The following PTTG1IP variants were observed in gnomAD, a reference collection of about 807,000 sequenced individuals.
The protein encoded by PTTG1IP is PTTG1 interacting protein.
In PTTG1IP, 16 loss-of-function variants were observed where a neutral mutation model predicts 24.4. The observed-to-expected ratio is 0.66, with a 90% CI of 0.44 to 1.00. PTTG1IP has a LOEUF of 1.00. PTTG1IP is among the 50% of genes least tolerant of loss of function. PTTG1IP has a pLI of 0.00. For missense variants in PTTG1IP, 241 were observed against 245.8 expected (o/e 0.98, Z 0.13); for synonymous variants, 89 against 96.8 (o/e 0.92, Z 0.47).
chr21:44,870,243 A>G lies in PTTG1IP; in HGVS notation c.115+3259T>C, dbSNP rs377281118. On this transcript the variant is annotated intron_variant, in intron 1 of 5. Coordinates refer to ENST00000330938, the MANE Select transcript of PTTG1IP (RefSeq NM_004339.4). ...ATCCTTTGAAAACATATCATCTTGC[A>G]TAGTAAGAAAAGAAAGGCCGGGTGC... is the stretch of plus-strand genomic sequence containing the variant. 1.8e-4 allele frequency among the ~76,000 whole-genome samples: 28 copies of G among 152,352 alleles called. 1 individual carries two copies. In the South Asian group the frequency reaches 3.5e-3, roughly 19 times the overall value.
rs60770250 is a variant in PTTG1IP, at chr21:44,851,449, G to A, written c.*132C>T. ...GTCCTTCAGGGGCAGCTCTCCGGCC[G>A]CCTGTCCTGGAAGGCTGGCAGGTTC... On this transcript the variant is annotated 3_prime_UTR_variant, in exon 6 of 6. Coordinates refer to ENST00000330938, the MANE Select transcript of PTTG1IP (RefSeq NM_004339.4). The A allele has an allele frequency of 5.5e-4, 882 of 1,607,446 alleles. 6 individuals carry two copies. In the African/African-American group the frequency reaches 9.7e-3, roughly 18 times the overall value.
At chr21:44,862,598 G>A (rs140790479) in intron 2 of PTTG1IP, among the ~76,000 whole-genome samples, 3 of 152,196 alleles carry the variant, frequency 2.0e-5, no homozygotes, top group Admixed American at 6.5e-5. Context: ...CAGACTGCCT[G>A]TTACTCCCAA....
At chr21:44,861,128 G>C in intron 3 of PTTG1IP, 35 bp downstream of exon 3, 1 of 1,568,006 alleles carries the variant, frequency 6.4e-7, no homozygotes, top group Non-Finnish European at 8.8e-7. Context: ...AAGAAGCATC[G>C]ATTTTGCAAG....
intron 1 of PTTG1IP, among the ~76,000 whole-genome samples, chr21:44,872,699 C>T (rs1195040652): frequency 6.6e-6 from 1 of 152,258 alleles, no homozygotes; most frequent in East Asian, 1.9e-4. Flanking sequence ...AGTCTCCTGT[C>T]ATGCACTTTC....
intron 1 of PTTG1IP, among the ~76,000 whole-genome samples, chr21:44,869,140 G>C (rs566336367): frequency 6.6e-6 from 1 of 152,124 alleles, no homozygotes; most frequent in Non-Finnish European, 1.5e-5. Flanking sequence ...AGACAAAGAG[G>C]AACTATTCTA....
At chr21:44,859,300 G>A (rs187839045) in intron 3 of PTTG1IP, among the ~76,000 whole-genome samples, 17 of 152,342 alleles carry the variant, frequency 1.1e-4, no homozygotes, top group Admixed American at 2.6e-4. Flanking sequence ...CAGGAATTGG[G>A]CCTTCTGAAA....
chr21:44,865,287 A>C (rs558182580), intron 2 of PTTG1IP, 108 bp downstream of exon 2: 13 of 1,149,180 alleles, frequency 1.1e-5, no homozygotes, highest in Middle Eastern at 4.1e-4. Context: ...CAAATCCCAA[A>C]CAACAGAGCC....
At chr21:44,867,438 C>A (rs1220106551) in intron 1 of PTTG1IP, among the ~76,000 whole-genome samples, 3 of 149,248 alleles carry the variant, frequency 2.0e-5, no homozygotes, top group East Asian at 3.9e-4. Flanking sequence ...GACGGCCATG[C>A]GTGGGGGAGG....
At chr21:44,870,525 C>CAAAAAAAAAAAAAAAAAAAAA (rs60436978) in intron 1 of PTTG1IP, among the ~76,000 whole-genome samples, 1 of 76,964 alleles carries the variant, frequency 1.3e-5, no homozygotes, top group Non-Finnish European at 2.4e-5. Flanking sequence ...GACTCCATCT[C>CAAAAAAAAAAAAAAAAAAAAA]AAAAAAAAAA....
chr21:44,854,777 C>T (rs1275068167), intron 5 of PTTG1IP, among the ~76,000 whole-genome samples: 2 of 152,150 alleles, frequency 1.3e-5, no homozygotes, highest in Non-Finnish European at 2.9e-5. Flanking sequence ...GGAGCAGGGC[C>T]GGTGCTGGGG....
At chr21:44,858,491 C>T (rs528634128) in intron 3 of PTTG1IP, among the ~76,000 whole-genome samples, 11 of 152,278 alleles carry the variant, frequency 7.2e-5, no homozygotes, top group East Asian at 5.8e-4. Flanking sequence ...CTGTTTCTCC[C>T]GGAGGAGCAG....
At chr21:44,855,818 C>G (rs1029210326) in intron 4 of PTTG1IP, among the ~76,000 whole-genome samples, 2 of 152,184 alleles carry the variant, frequency 1.3e-5, no homozygotes, top group African/African-American at 4.8e-5. Context: ...GAAAGGGCGA[C>G]AGGAGAGCTG....
In PTTG1IP at chr21:44,851,556, G is replaced by T; in HGVS notation, c.*25C>A. The T allele has an allele frequency of 6.2e-7, 1 of 1,612,702 alleles. No homozygotes were observed. The highest frequency in any genetic ancestry group is 8.5e-7 in the Non-Finnish European group (1 of 1,178,730). On this transcript the variant is annotated 3_prime_UTR_variant, in exon 6 of 6. Transcript: ENST00000330938. ...GCGGAGCGTGCACCTCACAGGAAGC[G>T]TCGGGACTGATGTGCTGGAGCGCTT...
chr21:44,856,784 T>A (rs575764540), intron 3 of PTTG1IP, among the ~76,000 whole-genome samples: 1 of 152,330 alleles, frequency 6.6e-6, no homozygotes, highest in African/African-American at 2.4e-5. Flanking sequence ...CTGATGCAGC[T>A]TTCTTTTTTT....
chr21:44,871,131 T>C (rs2083581310), intron 1 of PTTG1IP, among the ~76,000 whole-genome samples: 1 of 152,248 alleles, frequency 6.6e-6, no homozygotes, highest in South Asian at 2.1e-4. Flanking sequence ...AAAATGTTCT[T>C]GGAAACTCCA....
chr21:44,861,362 T>C, intron 2 of PTTG1IP, 91 bp from the exon 3 acceptor site: 1 of 1,080,514 alleles, frequency 9.3e-7, no homozygotes, highest in South Asian at 1.4e-5. Flanking sequence ...AGTGCTGCCA[T>C]CGCTCTGTGG....
At chr21:44,853,281 G>T (rs182873409) in intron 5 of PTTG1IP, among the ~76,000 whole-genome samples, 52 of 152,300 alleles carry the variant, frequency 3.4e-4, no homozygotes, top group African/African-American at 1.2e-3. Context: ...GCCGAGGCGG[G>T]CGGATCACGA....
intron 1 of PTTG1IP, among the ~76,000 whole-genome samples, chr21:44,867,204 G>T (rs991854686): frequency 1.3e-5 from 2 of 152,226 alleles, no homozygotes; most frequent in Non-Finnish European, 2.9e-5. Context: ...GCTGTTTTAC[G>T]TGTCTCTCCT....
chr21:44,870,611 A>C (rs1178128326), intron 1 of PTTG1IP, among the ~76,000 whole-genome samples: 1 of 151,866 alleles, frequency 6.6e-6, no homozygotes, highest in Admixed American at 6.6e-5. Flanking sequence ...CTAAGTGATC[A>C]CTATCTCTTA....
Sources: gnomAD v4.1 joint callset for allele counts (sites outside exome capture counted in the v4.1 genomes callset) on GRCh38, gnomAD v4.1.1 for gene constraint, MANE v1.5 for transcripts, NCBI Gene and HGNC (gene_info 2026-07-23, HGNC 2026-07-21) for gene names.